MYOM2: variants seen among roughly 807,000 people sequenced by gnomAD.
MYOM2 encodes myomesin-2.
Under a neutral mutation model 187.6 loss-of-function variants are expected in MYOM2, and 254 were observed. The ratio of observed to expected loss-of-function variants is 1.35; its 90% CI spans 1.22 to 1.50. MYOM2 has a LOEUF of 1.50. Ranked by LOEUF, MYOM2 falls within the 40% of genes most tolerant of loss-of-function variation. The pLI, the probability that MYOM2 is intolerant of heterozygous loss-of-function variation, is 0.00. For missense variants in MYOM2, 2,796 were observed against 1,924.0 expected, an observed-to-expected ratio of 1.45 and a Z score of -8.48; for synonymous variants, 981 against 753.8, an observed-to-expected ratio of 1.30 and a Z score of -4.94.
chr8:2,143,498 G>C, intron 36 of MYOM2, 42 bp downstream of exon 36: 5 of 1,611,564 alleles, frequency 3.1e-6, no homozygotes, highest in Non-Finnish European at 4.2e-6. Flanking sequence ...TGTCAGCACG[G>C]TGCGATGGAC....
chr8:2,061,963 A>C (rs181041296), intron 6 of MYOM2, among the ~76,000 whole-genome samples: 135 of 152,320 alleles, frequency 8.9e-4, no homozygotes, highest in African/African-American at 3.2e-3. Context: ...AGCCAGCCAC[A>C]GCAGCTGTGG....
At chr8:2,123,435 A>G (rs1224482074) in intron 29 of MYOM2, 70 bp downstream of exon 29, 1 of 1,470,420 alleles carries the variant, frequency 6.8e-7, no homozygotes. Context: ...TAAATTCTAC[A>G]ATCCTCTAAT....
At chr8:2,086,684 G>T (rs1796094150) in intron 14 of MYOM2, among the ~76,000 whole-genome samples, 1 of 152,258 alleles carries the variant, frequency 6.6e-6, no homozygotes, top group Non-Finnish European at 1.5e-5. Flanking sequence ...GCTGGGCGTT[G>T]CCCCTCGGTG....
intron 11 of MYOM2, among the ~76,000 whole-genome samples, chr8:2,076,906 C>T (rs1042627321): frequency 3.9e-5 from 6 of 152,188 alleles, no homozygotes; most frequent in Non-Finnish European, 8.8e-5. Context: ...GTGTACTGCA[C>T]AGAGCCAGTG....
At chr8:2,058,900 G>C (rs1426478088) in intron 5 of MYOM2, among the ~76,000 whole-genome samples, 1 of 152,214 alleles carries the variant, frequency 6.6e-6, no homozygotes, top group African/African-American at 2.4e-5. Flanking sequence ...TCCTAACAAA[G>C]GTCAGGCAGG....
rs574175851 is a variant in MYOM2, at chr8:2,142,263, C to G, written c.4002-112C>G. ...TTCTTCTAAGAGAATGCAAACGTAT[C>G]TCCTTCTTCTTTTGCTTCATCGCTA... On this transcript the variant is annotated intron_variant, in intron 34 of 36. Transcript: ENST00000262113. 1.8e-5 allele frequency: 19 copies of G among 1,053,780 alleles called. No individual in the cohort carries two copies. The East Asian group carries it at 4.0e-4, about 22-fold the overall frequency. The allele number at this position is 1,053,780 out of a possible 1,614,324, so 65.3% of individuals were successfully genotyped here.
Position 2,057,104 on chromosome 8 carries a change from A to AT in MYOM2, c.264-237dup, listed in dbSNP as rs143221821. 5.6e-3 allele frequency among the ~76,000 whole-genome samples: 858 copies of AT among 152,252 alleles called. 13 individuals carry two copies. The highest frequency in any genetic ancestry group is 0.019 in the African/African-American group (783 of 41,544). ...GAAAGTTGGGGCAGGCACTTCCTGTATTTTTTTATTAATAAATCACATACA... is the reference window on the plus strand; with the variant it reads ...GAAAGTTGGGGCAGGCACTTCCTGTATTTTTTTTATTAATAAATCACATACA... On this transcript the variant is annotated intron_variant, in intron 3 of 36. Transcript: ENST00000262113.
Position 2,140,793 on chromosome 8 carries a change from T to C in MYOM2, c.3871T>C (p.Cys1291Arg), listed in dbSNP as rs950898267. The C allele has an allele frequency of 3.7e-6, 6 of 1,614,128 alleles. No individual in the cohort carries two copies. The highest frequency in any genetic ancestry group is 5.1e-6 in the Non-Finnish European group (6 of 1,179,998). Residue 1291 changes from cysteine (C) to arginine (R), a missense_variant, in exon 33 of 37, where the codon TGT becomes CGT. Coordinates refer to ENST00000262113, the MANE Select transcript of MYOM2 (RefSeq NM_003970.4). ...TGAAGAGATGGCTTGGCTGCAGATA[T>C]GTGAGCCGACTGAGAAGGATAAAGG... ...GSEEMAWLQICEPTEKDKGKY... is the reference protein window; with the variant it reads ...GSEEMAWLQIREPTEKDKGKY...
intron 17 of MYOM2, among the ~76,000 whole-genome samples, chr8:2,094,430 G>T (rs1796413537): frequency 1.3e-5 from 2 of 152,184 alleles, no homozygotes; most frequent in South Asian, 4.1e-4. Context: ...AAGGTGGCTG[G>T]ATCATGAGGT....
chr8:2,143,757 C>T lies in MYOM2; in HGVS notation c.4080+301C>T, dbSNP rs191275400. 4.7e-3 allele frequency among the ~76,000 whole-genome samples: 714 copies of T among 152,330 alleles called. 14 individuals are homozygous for T. Among genetic ancestry groups the T allele is most frequent in the East Asian group, 0.044 (230 of 5,186 alleles). On this transcript the variant is annotated intron_variant, in intron 36 of 36. Coordinates refer to ENST00000262113, the MANE Select transcript of MYOM2 (RefSeq NM_003970.4). ...TGTGGCTTTGGGTGTTTCTATGCCCCTGTGGCCATTCACCCAGAGGAGCAA... is the reference window on the plus strand; with the variant it reads ...TGTGGCTTTGGGTGTTTCTATGCCCTTGTGGCCATTCACCCAGAGGAGCAA...
chr8:2,078,593 A>T, intron 11 of MYOM2, 141 bp from the exon 12 acceptor site: 1 of 709,820 alleles, frequency 1.4e-6, no homozygotes, highest in Non-Finnish European at 2.4e-6. Flanking sequence ...TATACAAGTC[A>T]ATATCTTAGC....
chr8:2,103,974 G>A (rs1461721605), intron 21 of MYOM2, among the ~76,000 whole-genome samples: 1 of 152,140 alleles, frequency 6.6e-6, no homozygotes, highest in Non-Finnish European at 1.5e-5. Flanking sequence ...AGATTTGGAT[G>A]GCAAATGAAG....
chr8:2,129,597 T>G (rs932305324), intron 32 of MYOM2, among the ~76,000 whole-genome samples: 1 of 152,104 alleles, frequency 6.6e-6, no homozygotes, highest in African/African-American at 2.4e-5. Flanking sequence ...GTCAGTTGGT[T>G]TCCCGCTAGA....
chr8:2,130,916 A>G (rs144466585), intron 32 of MYOM2, among the ~76,000 whole-genome samples: 2,085 of 152,334 alleles, frequency 0.014, 36 homozygotes, highest in Admixed American at 0.044. Context: ...AGGAGAATTA[A>G]TCATCAGCAT....
intron 6 of MYOM2, among the ~76,000 whole-genome samples, chr8:2,065,392 AACCCTGTCTCT>A (rs1160384939): frequency 1.3e-5 from 2 of 152,144 alleles, no homozygotes; most frequent in Non-Finnish European, 1.5e-5. Flanking sequence ...AACATGGTGA[AACCCTGTCTCT>A]ACTAAAAATA....
At chr8:2,083,875 A>G (rs1819719593) in intron 13 of MYOM2, among the ~76,000 whole-genome samples, 1 of 152,166 alleles carries the variant, frequency 6.6e-6, no homozygotes, top group African/African-American at 2.4e-5. Context: ...CTTGTCATCA[A>G]AGGAACTGTC....
At chr8:2,082,789 G>T (rs906303637) in intron 13 of MYOM2, among the ~76,000 whole-genome samples, 5 of 152,188 alleles carry the variant, frequency 3.3e-5, no homozygotes, top group Admixed American at 6.5e-5. Context: ...GGCATTTGCA[G>T]CCCACATGCT....
At chr8:2,144,413 C>G (rs1798382994) in intron 36 of MYOM2, among the ~76,000 whole-genome samples, 2 of 152,148 alleles carry the variant, frequency 1.3e-5, no homozygotes, top group Non-Finnish European at 2.9e-5. Context: ...TGGATAAAAG[C>G]TAAGAATAAA....
At chr8:2,052,356 G>T in intron 3 of MYOM2, 43 bp downstream of exon 3, 1 of 1,553,760 alleles carries the variant, frequency 6.4e-7, no homozygotes, top group African/African-American at 1.4e-5. Context: ...CCCTGCGTGG[G>T]GTCACAGTGG....
Sources: gnomAD v4.1 joint callset for allele counts (sites outside exome capture counted in the v4.1 genomes callset) on GRCh38, gnomAD v4.1.1 for gene constraint, MANE v1.5 for transcripts, NCBI Gene and HGNC (gene_info 2026-07-23, HGNC 2026-07-21) for gene names.